Variants in CRY1 observed in about 807,000 individuals in gnomAD.
The protein encoded by CRY1 is cryptochrome-1.
In CRY1, 45 loss-of-function variants were observed where a neutral mutation model predicts 76.0. The ratio of observed to expected loss-of-function variants is 0.59; its 90% CI spans 0.47 to 0.76. The LOEUF (loss-of-function observed/expected upper bound fraction) is 0.76. Ranked by LOEUF, CRY1 falls within the 30% of genes least tolerant of loss-of-function variation. CRY1 has a pLI of 0.00. For synonymous variants in CRY1, 248 were observed against 244.0 expected, an observed-to-expected ratio of 1.02 and a Z score of -0.15; for missense variants, 587 against 716.4, an observed-to-expected ratio of 0.82 and a Z score of 2.06.
chr12:107,000,593 G>A (rs1217208001), intron 5 of CRY1, among the ~76,000 whole-genome samples: 1 of 149,334 alleles, frequency 6.7e-6, no homozygotes, highest in Admixed American at 6.7e-5. Context: ...CAAATGATCT[G>A]CCCACCTCAG....
chr12:107,079,737 G>A (rs1339760702), intron 1 of CRY1, among the ~76,000 whole-genome samples: 2 of 151,996 alleles, frequency 1.3e-5, no homozygotes, highest in Non-Finnish European at 2.9e-5. Flanking sequence ...TACACTTCAA[G>A]TTTCAGTTTA....
intron 1 of CRY1, among the ~76,000 whole-genome samples, chr12:107,068,490 G>A (rs957650136): frequency 2.0e-5 from 3 of 151,936 alleles, no homozygotes; most frequent in Non-Finnish European, 4.4e-5. Context: ...GAGAGACAGG[G>A]TTTCACCATG....
At chr12:106,998,797 C>T (rs981707019) in intron 7 of CRY1, among the ~76,000 whole-genome samples, 10 of 151,868 alleles carry the variant, frequency 6.6e-5, no homozygotes, top group Non-Finnish European at 1.5e-4. Context: ...AATCCCAGCA[C>T]TTTGGGAGGC....
intron 1 of CRY1, among the ~76,000 whole-genome samples, chr12:107,060,713 G>A (rs1953036182): frequency 6.6e-6 from 1 of 152,126 alleles, no homozygotes; most frequent in Admixed American, 6.6e-5. Flanking sequence ...AATTTGGGCC[G>A]GGTGTGGTGG....
At chr12:107,077,651 TTTTA>T (rs1009470737) in intron 1 of CRY1, among the ~76,000 whole-genome samples, 7 of 152,190 alleles carry the variant, frequency 4.6e-5, no homozygotes, top group Admixed American at 3.9e-4. Context: ...TATCTATATA[TTTTA>T]TTTATTTATC....
rs201793898 is a variant in CRY1, at chr12:107,032,505, T to TACAA, written c.159-10314_159-10313insTTGT. ...GCTTGGTGTGCTCTGAGATAACTGT[T>TACAA]ACAGACACACACACACACACACACG... is the stretch of plus-strand genomic sequence containing the variant. On this transcript the variant is annotated intron_variant, in intron 1 of 12. Transcript: ENST00000008527. Among the ~76,000 whole-genome samples, 131 of 111,084 alleles carry TACAA rather than the reference T, an allele frequency of 1.2e-3. No individual in the cohort carries two copies. The East Asian group carries it at 0.028, about 24-fold the overall frequency. The allele number at this position is 111,084 out of a possible 152,430, so 72.9% of individuals were successfully genotyped here. A position where few individuals can be genotyped will look rare whatever the true frequency, so the allele number is the denominator to read the frequency against.
At chr12:107,065,713 G>A (rs1953102167) in intron 1 of CRY1, among the ~76,000 whole-genome samples, 1 of 152,174 alleles carries the variant, frequency 6.6e-6, no homozygotes, top group Non-Finnish European at 1.5e-5. Context: ...AAGAAATACA[G>A]TATGTTAAAT....
chr12:107,058,894 C>T (rs1309183543), intron 1 of CRY1, among the ~76,000 whole-genome samples: 5 of 152,034 alleles, frequency 3.3e-5, no homozygotes, highest in Non-Finnish European at 5.9e-5. Context: ...TTCAATTATA[C>T]AAAAAAGCTA....
chr12:107,082,838 T>G (rs1011361829), intron 1 of CRY1, among the ~76,000 whole-genome samples: 7 of 151,816 alleles, frequency 4.6e-5, no homozygotes, highest in African/African-American at 7.3e-5. Flanking sequence ...AAGAAATAAC[T>G]AAGATCGGAG....
chr12:107,002,738 C>T (rs1190452479), intron 3 of CRY1, among the ~76,000 whole-genome samples: 1 of 152,186 alleles, frequency 6.6e-6, no homozygotes, highest in African/African-American at 2.4e-5. Context: ...ATTCCCACAT[C>T]ATGGGAGGGA....
Position 106,992,878 on chromosome 12 carries a change from A to G in CRY1, c.1670T>C (p.Met557Thr), listed in dbSNP as rs1245075811. The change falls in exon 12 of 13, where the codon ATG becomes ACG. Residue 557 changes from methionine (M) to threonine (T), a missense_variant. Coordinates refer to ENST00000008527, the MANE Select transcript of CRY1 (RefSeq NM_004075.5). ...TTTCCCACCACTGAGACCAGTGCCC[A>G]TGGAGCTTCTTCCTGCACATTTAAA... Reference protein sequence around the residue: ...THLLKQGRSSMGTGLSGGKRP... With the variant: ...THLLKQGRSSTGTGLSGGKRP... The G allele has an allele frequency of 6.2e-7, 1 of 1,613,988 alleles. No homozygotes were observed. Among genetic ancestry groups the G allele is most frequent in the Admixed American group, 1.7e-5 (1 of 60,008 alleles).
At chr12:107,055,150 G>C (rs1377702655) in intron 1 of CRY1, among the ~76,000 whole-genome samples, 2 of 152,064 alleles carry the variant, frequency 1.3e-5, no homozygotes, top group East Asian at 1.9e-4. Flanking sequence ...TTAAAAAAAA[G>C]TCTATATAAA....
chr12:107,058,408 C>A (rs1953010094), intron 1 of CRY1, among the ~76,000 whole-genome samples: 2 of 151,940 alleles, frequency 1.3e-5, no homozygotes, highest in South Asian at 4.1e-4. Flanking sequence ...ACCACAGACA[C>A]AATGAATGAG....
intron 1 of CRY1, among the ~76,000 whole-genome samples, chr12:107,069,628 TAA>T (rs1278198438): frequency 3.3e-4 from 40 of 121,312 alleles, no homozygotes; most frequent in African/African-American, 1.1e-3. Context: ...TATATATATA[TAA>T]AGTATATATA....
intron 1 of CRY1, among the ~76,000 whole-genome samples, chr12:107,045,925 G>A (rs1395000477): frequency 1.3e-5 from 2 of 152,014 alleles, no homozygotes; most frequent in African/African-American, 2.4e-5. Context: ...AAACCTGCAT[G>A]TTGTCCACAT....
At chr12:107,048,580 TA>T (rs1369841545) in intron 1 of CRY1, among the ~76,000 whole-genome samples, 2 of 152,234 alleles carry the variant, frequency 1.3e-5, no homozygotes, top group East Asian at 1.9e-4. Flanking sequence ...CTTTACCAAA[TA>T]CCGTATGTCT....
intron 1 of CRY1, among the ~76,000 whole-genome samples, chr12:107,026,157 A>ACATATATATGTTATATGTTATATATGT (rs1160937379): frequency 6.6e-5 from 5 of 75,676 alleles, no homozygotes; most frequent in Admixed American, 1.9e-4. Context: ...TATATATATA[A>ACATATATATGTTATATGTTATATATGT]AATATATATA....
At chr12:107,060,831 A>C (rs760208318) in intron 1 of CRY1, among the ~76,000 whole-genome samples, 1 of 152,054 alleles carries the variant, frequency 6.6e-6, no homozygotes, top group East Asian at 1.9e-4. Context: ...ACAAAAAATT[A>C]GCCAGGTGTG....
chr12:107,007,606 T>G (rs1475767224), intron 2 of CRY1, among the ~76,000 whole-genome samples: 10 of 151,826 alleles, frequency 6.6e-5, no homozygotes, highest in Non-Finnish European at 5.9e-5. Flanking sequence ...CATAGCTCAT[T>G]GCAACCTCAG....
Sources: allele counts gnomAD v4.1 joint callset (sites outside exome capture counted in the v4.1 genomes callset), GRCh38; gene constraint gnomAD v4.1.1; transcripts MANE v1.5; gene names NCBI Gene and HGNC (gene_info 2026-07-23, HGNC 2026-07-21).